Variants in ASXL3 observed in about 807,000 individuals in gnomAD.
ASXL3 encodes the protein putative Polycomb group protein ASXL3.
Under a neutral mutation model 170.6 loss-of-function variants are expected in ASXL3, and 34 were observed. The ratio of observed to expected loss-of-function variants is 0.20; its 90% CI spans 0.15 to 0.27. The LOEUF (loss-of-function observed/expected upper bound fraction) is 0.27. Among genes scored for constraint, ASXL3 ranks in the 10% least tolerant of loss-of-function variants. ASXL3 has a pLI of 1.00. For synonymous variants in ASXL3, 1,002 were observed against 989.1 expected (o/e 1.01, Z -0.24); for missense variants, 2,592 against 2,695.3 (o/e 0.96, Z 0.85).
chr18:33,590,109 A>G (rs1047075132), intron 1 of ASXL3, among the ~76,000 whole-genome samples: 2 of 90,526 alleles, frequency 2.2e-5, no homozygotes, highest in Admixed American at 9.8e-5. Flanking sequence ...TTTGCTTTCT[A>G]TGTTTTTTTT....
chr18:33,703,752 G>C (rs888455136), intron 8 of ASXL3, among the ~76,000 whole-genome samples: 1 of 152,028 alleles, frequency 6.6e-6, no homozygotes, highest in African/African-American at 2.4e-5. Context: ...GGAATGGATG[G>C]GTCAGAACTT....
intron 2 of ASXL3, among the ~76,000 whole-genome samples, chr18:33,619,637 C>T (rs192262048): frequency 2.6e-5 from 4 of 152,110 alleles, no homozygotes; most frequent in Admixed American, 6.6e-5. Flanking sequence ...GGGCAGGAAA[C>T]GTACTGTGGG....
At position 33,743,986 on chromosome 18, in the gene ASXL3, G is replaced by A. The variant is rs2067717075; in HGVS notation, c.4138G>A (p.Glu1380Lys). The A allele has an allele frequency of 1.2e-6, 2 of 1,613,918 alleles. No homozygotes were observed. The highest frequency in any genetic ancestry group is 1.7e-6 in the Non-Finnish European group (2 of 1,179,904). The change falls in exon 12 of 12, where the codon GAA becomes AAA. Residue 1380 changes from glutamate (E) to lysine (K), a missense_variant. Transcript: ENST00000269197. ...TGAGAAGATAGCCATACCTGGGAGT[G>A]AAGAACAGGCCACTGTATCCATGGG... Reference protein sequence around the residue: ...PSEKIAIPGSEEQATVSMGTT... With the variant: ...PSEKIAIPGSKEQATVSMGTT...
intron 8 of ASXL3, among the ~76,000 whole-genome samples, chr18:33,699,404 CA>C: frequency 6.6e-6 from 1 of 151,988 alleles, no homozygotes; most frequent in Non-Finnish European, 1.5e-5. Flanking sequence ...ATGAAAATTT[CA>C]TTAGAGGGGC....
intron 8 of ASXL3, among the ~76,000 whole-genome samples, chr18:33,696,869 A>G (rs2066781840): frequency 6.6e-6 from 1 of 152,134 alleles, no homozygotes; most frequent in Non-Finnish European, 1.5e-5. Flanking sequence ...TATGGGTAAA[A>G]TGTTATTTGT....
chr18:33,736,426 A>G (rs1374511941), intron 10 of ASXL3, among the ~76,000 whole-genome samples: 1 of 151,794 alleles, frequency 6.6e-6, no homozygotes, highest in East Asian at 1.9e-4. Context: ...ATCTTTCATC[A>G]CATGTTGCAT....
chr18:33,583,995 C>T (rs2065014194), intron 1 of ASXL3, among the ~76,000 whole-genome samples: 2 of 152,080 alleles, frequency 1.3e-5, no homozygotes, highest in African/African-American at 4.8e-5. Context: ...GATGACTGAG[C>T]TGACACCATC....
In ASXL3 at chr18:33,600,237, C is replaced by T. The variant is rs76119962; in HGVS notation, c.55-7357C>T. Reference sequence around the variant, plus strand: ...AATAGTGTTTAAAAATATGTGGCAACGTATTTTGTGTATAACTTATTGAAT... The same window carrying T: ...AATAGTGTTTAAAAATATGTGGCAATGTATTTTGTGTATAACTTATTGAAT... On this transcript the variant is annotated intron_variant, in intron 1 of 11. Transcript: ENST00000269197. Among the ~76,000 whole-genome samples, 1,447 of 152,116 alleles carry T rather than the reference C, an allele frequency of 9.5e-3. 24 individuals carry two copies. Among genetic ancestry groups the T allele is most frequent in the African/African-American group, 0.033 (1,382 of 41,510 alleles).
At chr18:33,706,354 T>TG (rs796844787) in intron 8 of ASXL3, among the ~76,000 whole-genome samples, 45 of 151,868 alleles carry the variant, frequency 3.0e-4, no homozygotes, top group African/African-American at 1.1e-3. Flanking sequence ...CAAAATTTTT[T>TG]GAGATATATG....
intron 2 of ASXL3, among the ~76,000 whole-genome samples, chr18:33,614,087 G>T (rs2065381005): frequency 6.6e-6 from 1 of 152,080 alleles, no homozygotes; most frequent in Non-Finnish European, 1.5e-5. Context: ...ACAATGAAGT[G>T]TTCTGTATTG....
rs1599557418 is a variant in ASXL3 at position 33,734,369 on chromosome 18, A to G, written c.1036A>G (p.Thr346Ala). 6.2e-7 allele frequency: 1 copy of G among 1,610,188 alleles called. No homozygotes were observed. Among genetic ancestry groups the G allele is most frequent in the Non-Finnish European group, 8.5e-7 (1 of 1,178,416 alleles). ...IRQEIEKEKK[T>A]EPWKEKFFER... is the part of the protein sequence containing the mutation. ...GCAAGAAATTGAGAAGGAAAAGAAA[A>G]CAGAACCTTGGAAAGAAAAATTCTT... Residue 346 changes from threonine to alanine, a missense_variant, in exon 10 of 12, where the codon ACA (threonine) becomes GCA (alanine). Physicochemically the swap from Thr to Ala is moderately conservative, Grantham distance 58. Transcript: ENST00000269197.
intron 1 of ASXL3, among the ~76,000 whole-genome samples, chr18:33,585,063 C>A (rs1035587736): frequency 4.0e-4 from 61 of 152,140 alleles, no homozygotes; most frequent in African/African-American, 1.5e-3. Flanking sequence ...TTTGGATTGC[C>A]TACATATGTA....
rs138682788 is a variant in ASXL3, at chr18:33,647,698, T to C, written c.355+1345T>C. 1.6e-3 allele frequency among the ~76,000 whole-genome samples: 249 copies of C among 152,198 alleles called. 2 individuals are homozygous for C. The highest frequency in any genetic ancestry group is 5.8e-3 in the African/African-American group (239 of 41,554). On this transcript the variant is annotated intron_variant, in intron 4 of 11. Coordinates refer to ENST00000269197, the MANE Select transcript of ASXL3 (RefSeq NM_030632.3). Reference sequence around the variant, plus strand: ...ACATATATACTGAGCTTCTTTCATGTGCCAAGTACTATTCTTGACATTGCA... The same window carrying C: ...ACATATATACTGAGCTTCTTTCATGCGCCAAGTACTATTCTTGACATTGCA...
chr18:33,688,397 A>G (rs982903684), intron 8 of ASXL3, among the ~76,000 whole-genome samples: 1 of 152,204 alleles, frequency 6.6e-6, no homozygotes, highest in African/African-American at 2.4e-5. Context: ...AACATATTGG[A>G]TTGAAATTCT....
In ASXL3 at chr18:33,742,978, A is replaced by C; in HGVS notation, c.3130A>C (p.Ser1044Arg). 1 of 1,613,864 alleles carries C rather than the reference A, an allele frequency of 6.2e-7. No individual in the cohort carries two copies. The highest frequency in any genetic ancestry group is 1.3e-5 in the African/African-American group (1 of 75,024). Residue 1044 changes from serine (S) to arginine (R), a missense_variant, in exon 12 of 12, where the codon AGT becomes CGT. Coordinates refer to ENST00000269197, the MANE Select transcript of ASXL3 (RefSeq NM_030632.3). ...ESRASTSTSV[S>R]GGRNTGARTL... ...TCGAGCATCCACTAGCACATCTGTCAGTGGCGGGAGGAACACAGGAGCCAG... is the reference window on the plus strand; with the variant it reads ...TCGAGCATCCACTAGCACATCTGTCCGTGGCGGGAGGAACACAGGAGCCAG...
chr18:33,609,285 G>C (rs1055069994), intron 2 of ASXL3, among the ~76,000 whole-genome samples: 2 of 151,928 alleles, frequency 1.3e-5, no homozygotes, highest in Admixed American at 1.3e-4. Context: ...AAAAATCTAA[G>C]GATGTCTACT....
At chr18:33,647,756 C>A (rs1406871336) in intron 4 of ASXL3, among the ~76,000 whole-genome samples, 1 of 152,000 alleles carries the variant, frequency 6.6e-6, no homozygotes, top group Non-Finnish European at 1.5e-5. Context: ...GCAAATCTCT[C>A]ATGAAGCTTA....
At chr18:33,699,354 A>G (rs2066830186) in intron 8 of ASXL3, among the ~76,000 whole-genome samples, 1 of 152,200 alleles carries the variant, frequency 6.6e-6, no homozygotes, top group Admixed American at 6.5e-5. Flanking sequence ...AATAGTGACA[A>G]TGAGAAATAA....
chr18:33,578,857 T>TGTGC (rs779762584), intron 1 of ASXL3, 172 bp downstream of exon 1: 30 of 290,158 alleles, frequency 1.0e-4, no homozygotes, highest in Admixed American at 2.9e-4. Context: ...CCCCTGTGTG[T>TGTGC]GTGCGTGCGC....
Sources: allele counts gnomAD v4.1 joint callset (sites outside exome capture counted in the v4.1 genomes callset), GRCh38; gene constraint gnomAD v4.1.1; transcripts MANE v1.5; gene names NCBI Gene and HGNC (gene_info 2026-07-23, HGNC 2026-07-21).